SLC25A48: variants seen among roughly 807,000 people sequenced by gnomAD.
The protein encoded by SLC25A48 is CTC-321K16.1.
A neutral mutation model predicts 32.2 loss-of-function variants in SLC25A48; 29 were observed. That is an observed-to-expected ratio of 0.90 (90% CI 0.67 to 1.23). The LOEUF is 1.23. SLC25A48 is among the 50% of genes most tolerant of loss of function. SLC25A48 has a pLI of 0.00. For missense variants in SLC25A48, 399 were observed against 422.7 expected, an observed-to-expected ratio of 0.94 and a Z score of 0.49; for synonymous variants, 164 against 172.3, an observed-to-expected ratio of 0.95 and a Z score of 0.38.
intron 3 of SLC25A48, among the ~76,000 whole-genome samples, chr5:135,731,998 G>T (rs1208266046): frequency 6.6e-6 from 1 of 152,266 alleles, no homozygotes; most frequent in Non-Finnish European, 1.5e-5. Flanking sequence ...TCCAAGTTGG[G>T]CTGGTGTCTG....
chr5:135,771,911 A>G (rs1208674964), intron 3 of SLC25A48, among the ~76,000 whole-genome samples: 1 of 151,344 alleles, frequency 6.6e-6, no homozygotes, highest in Admixed American at 6.6e-5. Context: ...ATTACTTCCA[A>G]TACCACAGGT....
intron 7 of SLC25A48, among the ~76,000 whole-genome samples, chr5:135,880,424 T>C (rs1313834142): frequency 6.6e-6 from 1 of 152,000 alleles, no homozygotes; most frequent in Non-Finnish European, 1.5e-5. Flanking sequence ...CAGATGCAAG[T>C]GACCCAGGCT....
At chr5:135,791,944 C>T (rs1014372854) in intron 3 of SLC25A48, among the ~76,000 whole-genome samples, 1 of 151,666 alleles carries the variant, frequency 6.6e-6, no homozygotes, top group Non-Finnish European at 1.5e-5. Flanking sequence ...CCGCAAACAT[C>T]ACAGTGCATG....
intron 3 of SLC25A48, among the ~76,000 whole-genome samples, chr5:135,757,888 T>A (rs1478871212): frequency 6.6e-6 from 1 of 150,504 alleles, no homozygotes; most frequent in African/African-American, 2.4e-5. Flanking sequence ...ATCTAGATGA[T>A]ATATTGTGTA....
At chr5:135,798,126 A>G (rs1375566060) in intron 3 of SLC25A48, among the ~76,000 whole-genome samples, 1 of 151,880 alleles carries the variant, frequency 6.6e-6, no homozygotes, top group Non-Finnish European at 1.5e-5. Flanking sequence ...CCTAATATCC[A>G]GGGAGGAGAT....
At chr5:135,682,878 T>G (rs1753929849) in intron 3 of SLC25A48, among the ~76,000 whole-genome samples, 1 of 152,228 alleles carries the variant, frequency 6.6e-6, no homozygotes. Flanking sequence ...ATCCATGGTC[T>G]TACTGGGAGG....
chr5:135,668,343 A>G (rs1160882433), intron 3 of SLC25A48, among the ~76,000 whole-genome samples: 1 of 152,204 alleles, frequency 6.6e-6, no homozygotes, highest in Non-Finnish European at 1.5e-5. Context: ...ATATCCATAA[A>G]ATATACCTAG....
intron 1 of SLC25A48, among the ~76,000 whole-genome samples, chr5:135,591,736 G>A (rs994524580): frequency 8.5e-5 from 13 of 152,166 alleles, no homozygotes; most frequent in Non-Finnish European, 1.0e-4. Flanking sequence ...TTCAAGGAGC[G>A]GTTCTGGGAG....
At chr5:135,753,002 T>G (rs772716643) in intron 3 of SLC25A48, among the ~76,000 whole-genome samples, 1 of 152,126 alleles carries the variant, frequency 6.6e-6, no homozygotes, top group Non-Finnish European at 1.5e-5. Flanking sequence ...TACACACCCC[T>G]ATGATATTAC....
rs190869427 is a variant in SLC25A48, at chr5:135,801,149, C to T, written c.-520-11374C>T. 1.3e-4 allele frequency among the ~76,000 whole-genome samples: 19 copies of T among 150,682 alleles called. No individual in the cohort carries two copies. In the East Asian group the frequency reaches 3.4e-3, roughly 27 times the overall value. On this transcript the variant is annotated intron_variant, in intron 3 of 10. Transcript: ENST00000646290. The stretch of plus-strand genomic sequence containing the variant: ...AAGATGATGATATTACTCCCAATAT[C>T]ACAGAAGGTGTATACCCTCTGTGAT...
chr5:135,640,389 GA>G (rs976073572), intron 3 of SLC25A48, among the ~76,000 whole-genome samples: 1 of 152,052 alleles, frequency 6.6e-6, no homozygotes, highest in African/African-American at 2.4e-5. Context: ...AAATTTTTTG[GA>G]AAACATCAAC....
intron 1 of SLC25A48, among the ~76,000 whole-genome samples, chr5:135,595,179 C>T (rs1308914374): frequency 6.6e-6 from 1 of 152,194 alleles, no homozygotes; most frequent in Non-Finnish European, 1.5e-5. Flanking sequence ...CTATGAACCC[C>T]CCTCTCCCTT....
At chr5:135,619,883 G>A (rs1561760745) in intron 1 of SLC25A48, among the ~76,000 whole-genome samples, 1 of 152,246 alleles carries the variant, frequency 6.6e-6, no homozygotes, top group East Asian at 1.9e-4. Flanking sequence ...ACCTGAGGTG[G>A]TATCATTTGG....
chr5:135,592,883 G>A (rs1314614307), intron 1 of SLC25A48, among the ~76,000 whole-genome samples: 1 of 152,188 alleles, frequency 6.6e-6, no homozygotes, highest in Non-Finnish European at 1.5e-5. Flanking sequence ...GAACTCTCAG[G>A]CCCAGAGAGA....
At chr5:135,755,426 C>G (rs1012839337) in intron 3 of SLC25A48, among the ~76,000 whole-genome samples, 18 of 151,690 alleles carry the variant, frequency 1.2e-4, no homozygotes, top group African/African-American at 4.4e-4. Context: ...TGATATTTAT[C>G]ATATCTAGTG....
intron 3 of SLC25A48, among the ~76,000 whole-genome samples, chr5:135,800,998 C>T (rs1313394019): frequency 6.6e-6 from 1 of 151,594 alleles, no homozygotes; most frequent in African/African-American, 2.4e-5. Flanking sequence ...CTCCCAATAT[C>T]GCAGGGTGTG....
At chr5:135,859,629 G>A in intron 4 of SLC25A48, among the ~76,000 whole-genome samples, 1 of 152,196 alleles carries the variant, frequency 6.6e-6, no homozygotes, top group East Asian at 1.9e-4. Context: ...AAGGCAGTTT[G>A]TGGGAAGGGA....
At chr5:135,739,315 C>G (rs116521364) in intron 3 of SLC25A48, among the ~76,000 whole-genome samples, 1 of 152,198 alleles carries the variant, frequency 6.6e-6, no homozygotes, top group African/African-American at 2.4e-5. Context: ...ATAGGGGTCT[C>G]ACTTTGTACC....
At chr5:135,617,862 A>G (rs1752225127) in intron 1 of SLC25A48, among the ~76,000 whole-genome samples, 1 of 151,868 alleles carries the variant, frequency 6.6e-6, no homozygotes, top group Non-Finnish European at 1.5e-5. Flanking sequence ...TTTGTGCCCT[A>G]ACGTATGATT....
Sources: allele counts gnomAD v4.1 joint callset (sites outside exome capture counted in the v4.1 genomes callset), GRCh38; gene constraint gnomAD v4.1.1; transcripts MANE v1.5; gene names NCBI Gene and HGNC (gene_info 2026-07-23, HGNC 2026-07-21).